ANKS3: variants seen among roughly 807,000 people sequenced by gnomAD.
The protein encoded by ANKS3 is ankyrin repeat and sterile alpha motif domain containing 3, also known as ankyrin repeat and SAM domain-containing protein 3.
A neutral mutation model predicts 80.7 loss-of-function variants in ANKS3; 62 were observed. The observed-to-expected ratio is 0.77, with a 90% CI of 0.63 to 0.95. The LOEUF (loss-of-function observed/expected upper bound fraction) is 0.95. Among genes scored for constraint, ANKS3 ranks in the 40% least tolerant of loss-of-function variants. The pLI is 0.00. For missense variants in ANKS3, 1,150 were observed against 883.6 expected (o/e 1.30, Z -3.82); for synonymous variants, 489 against 355.3 (o/e 1.38, Z -4.23).
At chr16:4,714,990 C>CAAAAAAAAAAAAAAAAAAAAAAAA (rs753327026) in intron 6 of ANKS3, among the ~76,000 whole-genome samples, 1 of 36,626 alleles carries the variant, frequency 2.7e-5, no homozygotes, top group African/African-American at 1.5e-4. Flanking sequence ...GACTCTGTCT[C>CAAAAAAAAAAAAAAAAAAAAAAAA]AAAAAAAAAA....
chr16:4,725,022 G>T (rs1238919067), intron 5 of ANKS3, 191 bp from the exon 6 acceptor site: 5 of 497,012 alleles, frequency 1.0e-5, no homozygotes, highest in Admixed American at 3.9e-5. Context: ...TACTCTTCTG[G>T]TGTCTGTCCC....
At chr16:4,724,643 G>A (rs373320539) in intron 6 of ANKS3, 107 bp downstream of exon 6, 1 of 1,092,540 alleles carries the variant, frequency 9.2e-7, no homozygotes. Context: ...ATAAATGAAT[G>A]AAAGTTATTT....
At chr16:4,701,994 G>T in intron 9 of ANKS3, 108 bp downstream of exon 9, 2 of 1,353,498 alleles carry the variant, frequency 1.5e-6, no homozygotes, top group Non-Finnish European at 2.0e-6. Flanking sequence ...CCTGTCCTCT[G>T]CTGGATGGCT....
At chr16:4,711,718 CAAA>C (rs34030042) in intron 7 of ANKS3, among the ~76,000 whole-genome samples, 7 of 56,782 alleles carry the variant, frequency 1.2e-4, no homozygotes, top group African/African-American at 2.0e-4. Context: ...AACTCTGTCT[CAAA>C]AAAAAAAAAA....
At chr16:4,725,285 G>A (rs1196500683) in intron 5 of ANKS3, among the ~76,000 whole-genome samples, 2 of 152,194 alleles carry the variant, frequency 1.3e-5, no homozygotes, top group Non-Finnish European at 2.9e-5. Context: ...CCTGAAGCTT[G>A]CTTTTCATGC....
At chr16:4,700,841 GC>G in intron 11 of ANKS3, 128 bp downstream of exon 11, 1 of 1,239,186 alleles carries the variant, frequency 8.1e-7, no homozygotes, top group Non-Finnish European at 1.2e-6. Flanking sequence ...AGCCTAACAG[GC>G]CATGGGGATG....
intron 7 of ANKS3, 167 bp downstream of exon 7, chr16:4,713,884 G>C: frequency 1.1e-6 from 1 of 945,782 alleles, no homozygotes. Context: ...CTTATCTCCT[G>C]TTAGAGCAGG....
chr16:4,699,167 C>A lies in ANKS3; in HGVS notation c.1294G>T (p.Ala432Ser). The A allele has an allele frequency of 6.2e-7, 1 of 1,614,024 alleles. No individual in the cohort carries two copies. The highest frequency in any genetic ancestry group is 1.7e-5 in the Admixed American group (1 of 60,018). The change falls in exon 12 of 18, where the codon GCA (alanine) becomes TCA (serine). Residue 432 changes from alanine to serine, a missense_variant. By Grantham distance (99) the Ala-to-Ser change is moderately conservative. Coordinates refer to ENST00000304283, the MANE Select transcript of ANKS3 (RefSeq NM_133450.4). ...AGACACCCGATCTGCTCCAGCAGTG[C>A]GGCAAGGTCCTGGCAGGCACAGGGG... ...APYSGPQDLA[A>S]LLEQIGCLKY...
At chr16:4,707,932 G>A (rs1277307776) in intron 7 of ANKS3, among the ~76,000 whole-genome samples, 2 of 152,040 alleles carry the variant, frequency 1.3e-5, no homozygotes, top group South Asian at 4.1e-4. Flanking sequence ...CCAACATGGT[G>A]AAACCCTGTC....
Position 4,730,084 on chromosome 16 carries a change from G to C in ANKS3, c.66C>G (p.His22Gln), listed in dbSNP as rs535690754. 4.4e-6 allele frequency: 7 copies of C among 1,592,568 alleles called. No individual in the cohort carries two copies. Among genetic ancestry groups the C allele is most frequent in the Non-Finnish European group, 6.0e-6 (7 of 1,167,844 alleles). The change falls in exon 3 of 18, where the codon CAC becomes CAG. Residue 22 changes from histidine (H) to glutamine (Q), a missense_variant. His to Gln is a conservative substitution (Grantham distance 24). Coordinates refer to ENST00000304283, the MANE Select transcript of ANKS3 (RefSeq NM_133450.4). The stretch of plus-strand genomic sequence containing the variant: ...CCCCGCTGACCTGTGTCCCGAGCCC[G>C]TGCCACATGGACAAGCTGCGGTTCA... ...ELLNRSLSMWHGLGTQVSGEE... is the reference protein window; with the variant it reads ...ELLNRSLSMWQGLGTQVSGEE...
intron 7 of ANKS3, among the ~76,000 whole-genome samples, chr16:4,710,744 GATA>G (rs1417763208): frequency 6.6e-6 from 1 of 152,132 alleles, no homozygotes; most frequent in African/African-American, 2.4e-5. Context: ...GCCAAAAAAA[GATA>G]ATAACAGGAG....
Position 4,698,818 on chromosome 16 carries a change from G to A in ANKS3, c.1533C>T (p.Leu511=), listed in dbSNP as rs141809607. ...CACTCACCTTGTGCAGCTGGATGGCGAGCTCCTGCATCTCAGCCTCCAGCC... is the reference window on the plus strand; with the variant it reads ...CACTCACCTTGTGCAGCTGGATGGCAAGCTCCTGCATCTCAGCCTCCAGCC... ...ADRLEAEMQE[L]AIQLHKRCEE... is the part of the protein sequence containing the mutation. Residue 511 remains leucine (L), a synonymous_variant, in exon 13 of 18, where the codon CTC becomes CTT. Coordinates refer to ENST00000304283, the MANE Select transcript of ANKS3 (RefSeq NM_133450.4). 48 of 1,606,842 alleles carry A rather than the reference G, an allele frequency of 3.0e-5. No individual in the cohort carries two copies. The highest frequency in any genetic ancestry group is 8.5e-6 in the Non-Finnish European group (10 of 1,176,734).
Position 4,698,134 on chromosome 16 carries a change from C to A in ANKS3, c.1725-72G>T, listed in dbSNP as rs74398370. On this transcript the variant is annotated intron_variant, in intron 14 of 17. Transcript: ENST00000304283. The stretch of plus-strand genomic sequence containing the variant: ...CTGCAGAGCCCCCACCTCAGACCTT[C>A]TAGGGGAGGGAGGGGCTCAGCCCTG... 6.6e-4 allele frequency: 983 copies of A among 1,482,284 alleles called. 8 individuals are homozygous for A. The African/African-American group carries it at 0.012, about 18-fold the overall frequency. 91.8% of individuals were successfully genotyped at this position (1,482,284 alleles called of 1,614,324 possible). A position where few individuals can be genotyped will look rare whatever the true frequency, so the allele number is the denominator to read the frequency against.
chr16:4,721,763 C>T lies in ANKS3; in HGVS notation c.573+2987G>A, dbSNP rs537979699. On this transcript the variant is annotated intron_variant, in intron 6 of 17. Transcript: ENST00000304283. ...AAGTGATTCTCCTGTCTCAGCCTCC[C>T]AAGTAGCTGGGATTACAGCGTCAGC... Among the ~76,000 whole-genome samples the T allele has an allele frequency of 1.9e-4, 28 of 151,150 alleles. 1 individual carries two copies. In the South Asian group the frequency reaches 5.9e-3, roughly 32 times the overall value.
At chr16:4,715,646 C>T (rs148670284) in intron 6 of ANKS3, among the ~76,000 whole-genome samples, 119 of 152,182 alleles carry the variant, frequency 7.8e-4, no homozygotes, top group Middle Eastern at 3.4e-3. Flanking sequence ...ATTACAACTC[C>T]GGCAAAATGA....
intron 6 of ANKS3, among the ~76,000 whole-genome samples, chr16:4,723,684 T>C (rs1365622470): frequency 1.3e-5 from 2 of 152,224 alleles, no homozygotes; most frequent in Non-Finnish European, 2.9e-5. Context: ...GATATATATT[T>C]TGTTTATCAA....
In ANKS3 at chr16:4,702,203, C is replaced by T. The variant is rs779197274; in HGVS notation, c.908G>A (p.Ser303Asn). The change falls in exon 9 of 18, where the codon AGT (serine) becomes AAT (asparagine). Residue 303 changes from serine (S) to asparagine (N), a missense_variant. Coordinates refer to ENST00000304283, the MANE Select transcript of ANKS3 (RefSeq NM_133450.4). ...PPRGYVTFNS[S>N]GENPLEEEGL... The stretch of plus-strand genomic sequence containing the variant: ...CTCTTCTTCCAGGGGGTTCTCGCCA[C>T]TGCTGTTGAAGGTGACATAGCCACG... 4 of 1,591,052 alleles carry T rather than the reference C, an allele frequency of 2.5e-6. No homozygotes were observed. Among genetic ancestry groups the T allele is most frequent in the Non-Finnish European group, 3.4e-6 (4 of 1,168,918 alleles).
At chr16:4,708,395 A>G (rs1406158082) in intron 7 of ANKS3, among the ~76,000 whole-genome samples, 5 of 152,124 alleles carry the variant, frequency 3.3e-5, no homozygotes, top group Non-Finnish European at 7.3e-5. Context: ...TAAATACAGA[A>G]CCCCCAGAAT....
At position 4,731,550 on chromosome 16, in the gene ANKS3, G is replaced by C; in HGVS notation, c.-41C>G. 1 of 840,590 alleles carries C rather than the reference G, an allele frequency of 1.2e-6. No homozygotes were observed. The highest frequency in any genetic ancestry group is 1.4e-6 in the Non-Finnish European group (1 of 697,870). The allele number at this position is 840,590 out of a possible 1,614,324, so 52.1% of individuals were successfully genotyped here. The stretch of plus-strand genomic sequence containing the variant: ...CCCGCCTCAGCCTCTCAAAGTCCTG[G>C]AAATATAGGCGTGAGCCACTGCACC... On this transcript the variant is annotated 5_prime_UTR_variant, in exon 2 of 18. Coordinates refer to ENST00000304283, the MANE Select transcript of ANKS3 (RefSeq NM_133450.4).
Sources: allele counts gnomAD v4.1 joint callset (sites outside exome capture counted in the v4.1 genomes callset), GRCh38; gene constraint gnomAD v4.1.1; transcripts MANE v1.5; gene names NCBI Gene and HGNC (gene_info 2026-07-23, HGNC 2026-07-21).